The following DYNLT2B variants were observed in gnomAD, a reference collection of about 807,000 sequenced individuals.
The protein encoded by DYNLT2B is dynein light chain Tctex-type protein 2B.
DYNLT2B carries 14 observed loss-of-function variants against 19.5 expected under a neutral mutation model. The ratio of observed to expected loss-of-function variants is 0.72; its 90% CI spans 0.47 to 1.12. The LOEUF is 1.12. Among genes scored for constraint, DYNLT2B ranks in the 50% most tolerant of loss-of-function variants. The pLI is 0.00. For synonymous variants in DYNLT2B, 70 were observed against 59.7 expected (o/e 1.17, Z -0.79); for missense variants, 133 against 174.7 (o/e 0.76, Z 1.35).
chr3:196,300,000 G>A (rs917089375), intron 3 of DYNLT2B, among the ~76,000 whole-genome samples: 5 of 152,162 alleles, frequency 3.3e-5, no homozygotes, highest in African/African-American at 1.2e-4. Context: ...AAAGAAAGAG[G>A]GAGTAGGTGG....
chr3:196,306,807 C>G, intron 3 of DYNLT2B, 136 bp downstream of exon 3: 1 of 702,970 alleles, frequency 1.4e-6, no homozygotes, highest in East Asian at 2.9e-5. Context: ...TCCCAAAGTG[C>G]TGAGATTACA....
intron 4 of DYNLT2B, among the ~76,000 whole-genome samples, chr3:196,293,521 G>A (rs1474717475): frequency 2.6e-5 from 4 of 151,904 alleles, no homozygotes; most frequent in South Asian, 2.1e-4. Context: ...AGCTACTCGG[G>A]AGGCTGGGGC....
At chr3:196,306,827 C>T in intron 3 of DYNLT2B, 116 bp downstream of exon 3, 1 of 880,420 alleles carries the variant, frequency 1.1e-6, no homozygotes. Flanking sequence ...AGGTGTGACC[C>T]ATCACACCCG....
chr3:196,299,446 C>T (rs1024993424), intron 3 of DYNLT2B, among the ~76,000 whole-genome samples: 1 of 151,986 alleles, frequency 6.6e-6, no homozygotes, highest in African/African-American at 2.4e-5. Context: ...TGGTCTCCAA[C>T]TCCTGAGCTC....
intron 3 of DYNLT2B, among the ~76,000 whole-genome samples, chr3:196,303,413 TATAGAAA>T (rs1726407729): frequency 6.6e-6 from 1 of 152,154 alleles, no homozygotes; most frequent in South Asian, 2.1e-4. Context: ...ACTGAGCAGT[TATAGAAA>T]GAGTAAGTTT....
Position 196,296,079 on chromosome 3 carries a change from C to A in DYNLT2B, c.318-10G>T, listed in dbSNP as rs1367678287. On this transcript the variant is annotated splice_polypyrimidine_tract_variant and intron_variant, in intron 3 of 4. Transcript: ENST00000325318. ...ACAGCGAGAAGCCATGCTAAAAAAT[C>A]CAAGAATGAAGAATTATCAACAATC... 4.3e-6 allele frequency: 7 copies of A among 1,613,016 alleles called. No individual in the cohort carries two copies. The East Asian group carries it at 1.3e-4, about 31-fold the overall frequency.
chr3:196,307,555 G>A (rs1000287728), intron 2 of DYNLT2B, among the ~76,000 whole-genome samples: 1 of 151,872 alleles, frequency 6.6e-6, no homozygotes, highest in African/African-American at 2.4e-5. Flanking sequence ...CACTCACCTT[G>A]GCCTCCCAAA....
chr3:196,312,716 CCCACAGTGCCTGGATTGCAGGCGTGAG>C (rs1279928586), intron 2 of DYNLT2B, among the ~76,000 whole-genome samples: 10 of 152,212 alleles, frequency 6.6e-5, no homozygotes, highest in African/African-American at 9.6e-5. Flanking sequence ...GGCTCCGCCT[CCCACAGTGCCTGGATTGCAGGCGTGAG>C]CCACCGCGCC....
At chr3:196,312,456 C>T (rs1440923573) in intron 2 of DYNLT2B, among the ~76,000 whole-genome samples, 2 of 150,926 alleles carry the variant, frequency 1.3e-5, no homozygotes, top group Non-Finnish European at 2.9e-5. Flanking sequence ...GTATATTCTA[C>T]TTTTGGGGGT....
chr3:196,299,713 C>T (rs1387958232), intron 3 of DYNLT2B, among the ~76,000 whole-genome samples: 2 of 151,876 alleles, frequency 1.3e-5, no homozygotes, highest in Admixed American at 6.6e-5. Context: ...AGGCGGATCA[C>T]GAGGTCAGGA....
intron 2 of DYNLT2B, among the ~76,000 whole-genome samples, chr3:196,314,924 G>A (rs1476011689): frequency 1.3e-5 from 2 of 152,138 alleles, no homozygotes; most frequent in East Asian, 1.9e-4. Flanking sequence ...GGTAGGGGTC[G>A]AGGGTTGAGT....
intron 4 of DYNLT2B, among the ~76,000 whole-genome samples, 185 bp from the exon 5 acceptor site, chr3:196,291,559 G>A (rs1726096332): frequency 6.6e-6 from 1 of 152,008 alleles, no homozygotes; most frequent in Admixed American, 6.6e-5. Context: ...GCTCACTGCA[G>A]CCTCGACCTC....
rs917707986 is a variant in DYNLT2B at position 196,316,935 on chromosome 3, G to C, written c.114-704C>G. Among the ~76,000 whole-genome samples the C allele has an allele frequency of 3.9e-3, 232 of 59,126 alleles. 4 individuals carry two copies. The highest frequency in any genetic ancestry group is 7.5e-3 in the South Asian group (10 of 1,342). The allele number at this position is 59,126 out of a possible 152,430, so 38.8% of individuals were successfully genotyped here. A position where few individuals can be genotyped will look rare whatever the true frequency, so the allele number is the denominator to read the frequency against. The stretch of plus-strand genomic sequence containing the variant: ...GTGTGGTGTGTGTGTGTGTTGTGTG[G>C]TGTGTGTGTGTGTGTGTAAAGTTAG... On this transcript the variant is annotated intron_variant, in intron 1 of 4. Coordinates refer to ENST00000325318, the MANE Select transcript of DYNLT2B (RefSeq NM_152773.5).
At chr3:196,295,033 C>T (rs756906628) in intron 4 of DYNLT2B, among the ~76,000 whole-genome samples, 12 of 152,154 alleles carry the variant, frequency 7.9e-5, no homozygotes, top group Non-Finnish European at 1.0e-4. Flanking sequence ...TGAGCCACCC[C>T]ACCTGGCCTC....
intron 3 of DYNLT2B, among the ~76,000 whole-genome samples, chr3:196,296,890 C>A (rs1249788983): frequency 6.6e-6 from 1 of 152,006 alleles, no homozygotes; most frequent in Non-Finnish European, 1.5e-5. Flanking sequence ...ACAGCCACTG[C>A]ACTTCAGCCT....
intron 3 of DYNLT2B, among the ~76,000 whole-genome samples, chr3:196,302,949 A>C (rs996686177): frequency 1.3e-5 from 2 of 151,670 alleles, no homozygotes; most frequent in Non-Finnish European, 2.9e-5. Context: ...TTGCCGGGGG[A>C]CTAGACTAAC....
At chr3:196,293,065 G>A (rs1726133997) in intron 4 of DYNLT2B, among the ~76,000 whole-genome samples, 2 of 152,130 alleles carry the variant, frequency 1.3e-5, no homozygotes, top group South Asian at 2.1e-4. Flanking sequence ...TGTTGGCCAG[G>A]CTGGTCTTGA....
chr3:196,292,862 CT>C (rs1027891565), intron 4 of DYNLT2B, among the ~76,000 whole-genome samples: 5 of 151,104 alleles, frequency 3.3e-5, no homozygotes, highest in African/African-American at 9.7e-5. Context: ...AAATAAAGTG[CT>C]TTTTTTTTGA....
intron 2 of DYNLT2B, among the ~76,000 whole-genome samples, chr3:196,309,544 C>A (rs1345092205): frequency 6.6e-6 from 1 of 151,494 alleles, no homozygotes; most frequent in Non-Finnish European, 1.5e-5. Flanking sequence ...GGATTACGGA[C>A]GTGAGCCACC....
Sources: gnomAD v4.1 joint callset for allele counts (sites outside exome capture counted in the v4.1 genomes callset) on GRCh38, gnomAD v4.1.1 for gene constraint, MANE v1.5 for transcripts, NCBI Gene and HGNC (gene_info 2026-07-23, HGNC 2026-07-21) for gene names.